TMCO4: variants seen among roughly 807,000 people sequenced by gnomAD.
TMCO4 encodes the protein transmembrane and coiled-coil domains 4.
In TMCO4, 58 loss-of-function variants were observed where a neutral mutation model predicts 64.7. That is an observed-to-expected ratio of 0.90 (90% CI 0.73 to 1.12). TMCO4 has a LOEUF of 1.12. TMCO4 is among the 50% of genes most tolerant of loss of function. TMCO4 has a pLI of 0.00. For synonymous variants in TMCO4, 325 were observed against 346.1 expected (o/e 0.94, Z 0.68); for missense variants, 780 against 825.9 (o/e 0.94, Z 0.68).
intron 13 of TMCO4, among the ~76,000 whole-genome samples, chr1:19,716,397 TG>T (rs1438920368): frequency 6.4e-4 from 94 of 147,192 alleles, no homozygotes; most frequent in African/African-American, 1.8e-3. Flanking sequence ...TTTTTTTTTT[TG>T]TTTTTGCATT....
intron 3 of TMCO4, among the ~76,000 whole-genome samples, chr1:19,782,982 C>T (rs968431034): frequency 2.0e-5 from 3 of 152,166 alleles, no homozygotes; most frequent in Admixed American, 6.5e-5. Flanking sequence ...GCTTAGTACT[C>T]GTAAAGCACC....
chr1:19,764,651 G>C (rs1265145645), intron 6 of TMCO4, among the ~76,000 whole-genome samples: 1 of 152,048 alleles, frequency 6.6e-6, no homozygotes, highest in Non-Finnish European at 1.5e-5. Flanking sequence ...TCAGGAGTTC[G>C]AGACCAGCCT....
chr1:19,744,538 T>C (rs1407329054), intron 10 of TMCO4, among the ~76,000 whole-genome samples: 1 of 152,178 alleles, frequency 6.6e-6, no homozygotes, highest in Non-Finnish European at 1.5e-5. Flanking sequence ...CTTTGCTCTC[T>C]TCCACTTGCT....
chr1:19,780,499 G>A (rs760815874), intron 4 of TMCO4, 81 bp downstream of exon 4: 100 of 1,486,674 alleles, frequency 6.7e-5, no homozygotes, highest in Non-Finnish European at 8.2e-5. Flanking sequence ...TTGCCTCATC[G>A]TGCCTGGCAG....
At chr1:19,779,011 C>T (rs1284976505) in intron 4 of TMCO4, among the ~76,000 whole-genome samples, 1 of 152,092 alleles carries the variant, frequency 6.6e-6, no homozygotes, top group Non-Finnish European at 1.5e-5. Context: ...CGGTAACCCC[C>T]AAGGAGTTGA....
At chr1:19,759,267 C>T (rs1299441240) in intron 6 of TMCO4, among the ~76,000 whole-genome samples, 1 of 152,080 alleles carries the variant, frequency 6.6e-6, no homozygotes, top group Non-Finnish European at 1.5e-5. Flanking sequence ...GACCACTTCA[C>T]TCCTTCTCCA....
chr1:19,702,914 C>T (rs754755244), intron 13 of TMCO4, among the ~76,000 whole-genome samples: 7 of 152,238 alleles, frequency 4.6e-5, no homozygotes, highest in Non-Finnish European at 1.0e-4. Context: ...AGAAACACTG[C>T]TCTGGACAAA....
chr1:19,692,633 G>C (rs1405844320), intron 15 of TMCO4, among the ~76,000 whole-genome samples: 1 of 151,162 alleles, frequency 6.6e-6, no homozygotes, highest in Admixed American at 6.6e-5. Flanking sequence ...TATAATCCCA[G>C]CTATTTGGGA....
intron 13 of TMCO4, among the ~76,000 whole-genome samples, chr1:19,705,785 T>C (rs1202192889): frequency 6.7e-6 from 1 of 150,048 alleles, no homozygotes; most frequent in Non-Finnish European, 1.5e-5. Context: ...TCATAGCTGC[T>C]GGAAAGGAAA....
At chr1:19,733,632 C>T (rs2095439935) in intron 13 of TMCO4, among the ~76,000 whole-genome samples, 1 of 152,104 alleles carries the variant, frequency 6.6e-6, no homozygotes, top group Non-Finnish European at 1.5e-5. Context: ...ATAGGGGCCT[C>T]ATATATATAT....
intron 10 of TMCO4, 54 bp downstream of exon 10, chr1:19,745,478 G>T (rs527684926): frequency 6.2e-7 from 1 of 1,611,942 alleles, no homozygotes; most frequent in East Asian, 2.2e-5. Context: ...CCCAGGGTCT[G>T]GCCCAGGCCA....
At chr1:19,730,555 G>A (rs932178067) in intron 13 of TMCO4, among the ~76,000 whole-genome samples, 2 of 152,344 alleles carry the variant, frequency 1.3e-5, no homozygotes, top group South Asian at 4.1e-4. Flanking sequence ...GCCCTCAAGG[G>A]GCTTGCAGTC....
chr1:19,694,962 C>T (rs1417579955), intron 14 of TMCO4, among the ~76,000 whole-genome samples: 2 of 152,196 alleles, frequency 1.3e-5, no homozygotes, highest in African/African-American at 4.8e-5. Context: ...GGTGGCTTGT[C>T]CAGGGCTCCC....
chr1:19,699,030 A>G (rs1180269010), intron 14 of TMCO4, among the ~76,000 whole-genome samples: 1 of 152,172 alleles, frequency 6.6e-6, no homozygotes, highest in Non-Finnish European at 1.5e-5. Flanking sequence ...CCCCATCTCT[A>G]CTAAAAATAC....
At chr1:19,727,326 C>A (rs187457459) in intron 13 of TMCO4, among the ~76,000 whole-genome samples, 38 of 152,284 alleles carry the variant, frequency 2.5e-4, no homozygotes, top group African/African-American at 9.1e-4. Context: ...TAAGAACTTC[C>A]TTTACCAAGC....
chr1:19,757,271 A>G (rs910262798), intron 6 of TMCO4, among the ~76,000 whole-genome samples: 10 of 152,164 alleles, frequency 6.6e-5, no homozygotes, highest in African/African-American at 2.4e-4. Context: ...GGATATTCTA[A>G]AATCACAGTG....
intron 13 of TMCO4, among the ~76,000 whole-genome samples, chr1:19,707,229 T>C (rs2095307289): frequency 1.3e-5 from 2 of 152,298 alleles, no homozygotes; most frequent in Middle Eastern, 3.4e-3. Context: ...TGGTGGGAGC[T>C]GTTTGGGTCA....
chr1:19,701,202 A>C, intron 13 of TMCO4: 1 of 138,714 alleles, frequency 7.2e-6, no homozygotes, highest in Non-Finnish European at 1.4e-5. Flanking sequence ...GTGGAGTCTC[A>C]CTCTGTTGCC....
intron 2 of TMCO4, among the ~76,000 whole-genome samples, chr1:19,788,206 A>T (rs2043840761): frequency 6.6e-6 from 1 of 152,168 alleles, no homozygotes; most frequent in Non-Finnish European, 1.5e-5. Flanking sequence ...GTGCCTAAAA[A>T]CTGAATATTC....
Sources: allele counts gnomAD v4.1 joint callset (sites outside exome capture counted in the v4.1 genomes callset), GRCh38; gene constraint gnomAD v4.1.1; transcripts MANE v1.5; gene names NCBI Gene and HGNC (gene_info 2026-07-23, HGNC 2026-07-21).